The following CES1 variants were observed in gnomAD, a reference collection of about 807,000 sequenced individuals.
The protein encoded by CES1 is carboxylesterase 1, also known as liver carboxylesterase 1.
A neutral mutation model predicts 53.0 loss-of-function variants in CES1; 50 were observed. That is an observed-to-expected ratio of 0.94 (90% CI 0.75 to 1.19). The LOEUF is 1.19. Among genes scored for constraint, CES1 ranks in the 50% most tolerant of loss-of-function variants. The pLI is 0.00. For synonymous variants in CES1, 202 were observed against 210.1 expected (o/e 0.96, Z 0.33); for missense variants, 534 against 538.0 (o/e 0.99, Z 0.07).
At chr16:55,830,779 A>G (rs1235920281) in intron 1 of CES1, among the ~76,000 whole-genome samples, 32 of 107,692 alleles carry the variant, frequency 3.0e-4, no homozygotes, top group African/African-American at 1.0e-3. Flanking sequence ...GGAAAGAAGG[A>G]AGGAAGGAAG....
chr16:55,826,156 G>T lies in CES1; in HGVS notation c.400C>A (p.Leu134Met). ...CAGGGGGTCCCACAACTTACCGGCA[G>T]CCTGTTTTTCTTGGTCAAGTCAGCA... is the stretch of plus-strand genomic sequence containing the variant. ...TPADLTKKNRLPVMVWIHGGG... is the reference protein window; with the variant it reads ...TPADLTKKNRMPVMVWIHGGG... The change falls in exon 3 of 14, where the codon CTG becomes ATG. Residue 134 changes from leucine (L) to methionine (M), a missense_variant. By Grantham distance (15) the Leu-to-Met change is conservative. Transcript: ENST00000360526. 6.2e-7 allele frequency: 1 copy of T among 1,613,998 alleles called. No homozygotes were observed.
At chr16:55,810,815 G>A in intron 10 of CES1, 112 bp downstream of exon 10, 1 of 1,405,768 alleles carries the variant, frequency 7.1e-7, no homozygotes, top group Non-Finnish European at 1.0e-6. Context: ...GGAAAGATGG[G>A]GGAAACCCTG....
At chr16:55,826,025 G>A (rs1454998445) in intron 3 of CES1, 126 bp downstream of exon 3, 145 of 1,208,194 alleles carry the variant, frequency 1.2e-4, no homozygotes, top group Non-Finnish European at 1.6e-4. Flanking sequence ...GAGGCCCTGG[G>A]GTCTCTGAAA....
chr16:55,826,268 C>A lies in CES1; in HGVS notation c.288G>T (p.Gln96His), dbSNP rs2032413855. ...GGTTTGTAAATAGCTCTGAGAGTAA[C>A]TGCCCCGCCTTGGGATCTTGGGTGC... ...PMCTQDPKAG[Q>H]LLSELFTNRK... Residue 96 changes from glutamine (Q) to histidine (H), a missense_variant, in exon 3 of 14, where the codon CAG becomes CAT. Around this residue, in one of 5 missense-constraint regions of CES1, gnomAD observed 164 missense variants for 162.4 expected, o/e 1.01. Coordinates refer to ENST00000360526, the MANE Select transcript of CES1 (RefSeq NM_001025195.2). The A allele has an allele frequency of 6.2e-7, 1 of 1,613,872 alleles. No homozygotes were observed. The highest frequency in any genetic ancestry group is 8.5e-7 in the Non-Finnish European group (1 of 1,179,884).
chr16:55,819,734 C>T (rs1470622786), intron 6 of CES1, 95 bp from the exon 7 acceptor site: 1 of 1,058,390 alleles, frequency 9.4e-7, no homozygotes, highest in Non-Finnish European at 1.5e-6. Context: ...CCAACTTGTA[C>T]TAGTGGCAGG....
chr16:55,823,884 G>T (rs1281206704), intron 3 of CES1, among the ~76,000 whole-genome samples: 2 of 152,264 alleles, frequency 1.3e-5, no homozygotes, highest in Non-Finnish European at 2.9e-5. Flanking sequence ...CCACCCTACT[G>T]CACATACCCT....
In CES1 at chr16:55,812,745, C is replaced by T. The variant is rs561032368; in HGVS notation, c.1086+158G>A. On this transcript the variant is annotated intron_variant, in intron 9 of 13. Coordinates refer to ENST00000360526, the MANE Select transcript of CES1 (RefSeq NM_001025195.2). Reference sequence around the variant, plus strand: ...CTGATACCCCGGTGAAAACTGTGCCCTCCTGGAGAAGATTTCCGTGGAAAT... The same window carrying T: ...CTGATACCCCGGTGAAAACTGTGCCTTCCTGGAGAAGATTTCCGTGGAAAT... 1.8e-4 allele frequency among the ~76,000 whole-genome samples: 28 copies of T among 152,278 alleles called. 1 individual carries two copies. The highest frequency in any genetic ancestry group is 6.8e-3 in the Middle Eastern group (2 of 294).
intron 6 of CES1, 64 bp from the exon 7 acceptor site, chr16:55,819,703 A>T: frequency 7.2e-7 from 1 of 1,383,672 alleles, no homozygotes; most frequent in Non-Finnish European, 1.0e-6. Context: ...TCAAAGAGGA[A>T]AGTGGCATTC....
At chr16:55,822,191 C>A (rs768687241) in intron 4 of CES1, among the ~76,000 whole-genome samples, 1 of 152,232 alleles carries the variant, frequency 6.6e-6, no homozygotes, top group African/African-American at 2.4e-5. Context: ...GAAGCCCCTG[C>A]AGGGTTTTGT....
At chr16:55,830,466 A>C (rs1162225105) in intron 1 of CES1, among the ~76,000 whole-genome samples, 1 of 152,182 alleles carries the variant, frequency 6.6e-6, no homozygotes, top group Non-Finnish European at 1.5e-5. Context: ...TTAAATAAAA[A>C]AAGAAAAAAT....
At chr16:55,809,551 C>T (rs1291848525) in intron 11 of CES1, among the ~76,000 whole-genome samples, 1 of 152,248 alleles carries the variant, frequency 6.6e-6, no homozygotes, top group Non-Finnish European at 1.5e-5. Context: ...ACACACATCC[C>T]TAACGTCATG....
At chr16:55,814,731 C>T (rs529269267) in intron 8 of CES1, among the ~76,000 whole-genome samples, 3 of 152,350 alleles carry the variant, frequency 2.0e-5, no homozygotes, top group East Asian at 1.9e-4. Flanking sequence ...CAATTCCTAG[C>T]CTTTGAGACC....
At chr16:55,830,819 A>AAGGCAGGCAGGCAGGCAGGCAGGCAGGC (rs57294788) in intron 1 of CES1, among the ~76,000 whole-genome samples, 11 of 127,284 alleles carry the variant, frequency 8.6e-5, no homozygotes, top group South Asian at 2.6e-4. Context: ...GGAAGGAAGG[A>AAGGCAGGCAGGCAGGCAGGCAGGCAGGC]AGGCAGGCAG....
At chr16:55,811,155 G>A (rs2142314712) in intron 9 of CES1, 145 bp from the exon 10 acceptor site, 46 of 582,040 alleles carry the variant, frequency 7.9e-5, no homozygotes, top group South Asian at 5.1e-4. Context: ...TGAAATGGGT[G>A]AAATCAATGA....
At chr16:55,831,612 A>G (rs2032677069) in intron 1 of CES1, among the ~76,000 whole-genome samples, 1 of 150,428 alleles carries the variant, frequency 6.6e-6, no homozygotes, top group Admixed American at 6.6e-5. Context: ...AAGTGGAGGC[A>G]GCCTGTATGG....
rs369879714 is a variant in CES1, at chr16:55,828,757, C to T, written c.260+10G>A. The stretch of plus-strand genomic sequence containing the variant: ...GGTAAACATCCCCAAGGACACATGC[C>T]GCAGCTTACATAGGAGGGTACGAGG... On this transcript the variant is annotated intron_variant, in intron 2 of 13. Coordinates refer to ENST00000360526, the MANE Select transcript of CES1 (RefSeq NM_001025195.2). 28 of 1,614,190 alleles carry T rather than the reference C, an allele frequency of 1.7e-5. No homozygotes were observed. Among genetic ancestry groups the T allele is most frequent in the African/African-American group, 9.3e-5 (7 of 75,072 alleles).
intron 1 of CES1, among the ~76,000 whole-genome samples, chr16:55,830,071 G>C (rs369134106): frequency 1.3e-4 from 20 of 152,292 alleles, no homozygotes; most frequent in Middle Eastern, 6.8e-3. Flanking sequence ...CAGCTGCTCT[G>C]CTTTGGATAC....
At chr16:55,820,020 CAAGACACCAT>C in intron 6 of CES1, 1 of 550,226 alleles carries the variant, frequency 1.8e-6, no homozygotes, top group Non-Finnish European at 3.3e-6. Flanking sequence ...CAGAGAGACA[CAAGACACCAT>C]CACTGCCCAA....
intron 1 of CES1, among the ~76,000 whole-genome samples, chr16:55,830,765 G>GGAAA (rs2032610977): frequency 8.7e-6 from 1 of 114,840 alleles, no homozygotes; most frequent in Non-Finnish European, 2.0e-5. Context: ...AAAGAAGGAA[G>GGAAA]GAAGGAAAGA....
Sources: gnomAD v4.1 joint callset for allele counts (sites outside exome capture counted in the v4.1 genomes callset) on GRCh38, gnomAD v4.1.1 for gene constraint, gnomAD v4.1.1 regional missense constraint, MANE v1.5 for transcripts, NCBI Gene and HGNC (gene_info 2026-07-23, HGNC 2026-07-21) for gene names.